MAP3K7CL: variants seen among roughly 807,000 people sequenced by gnomAD.
MAP3K7CL encodes MAP3K7 C-terminal-like protein.
Under a neutral mutation model 18.6 loss-of-function variants are expected in MAP3K7CL, and 16 were observed. The observed-to-expected ratio is 0.86, with a 90% confidence interval of 0.58 to 1.31. MAP3K7CL has a LOEUF of 1.31. Among genes scored for constraint, MAP3K7CL ranks in the 50% most tolerant of loss-of-function variants. MAP3K7CL has a pLI of 0.00. For synonymous variants in MAP3K7CL, 65 were observed against 66.8 expected (o/e 0.97, Z 0.13); for missense variants, 163 against 174.4 (o/e 0.93, Z 0.37).
chr21:29,175,607 G>C lies in MAP3K7CL; in HGVS notation c.*715G>C, dbSNP rs1023313005. On this transcript the variant is annotated 3_prime_UTR_variant, in exon 5 of 5. Transcript: ENST00000399928. ...ACAGTAAACATCTCTGCCTTTGCCTGTGTGTGTTCTGGGGGAGGGGGGACA... is the reference window on the plus strand; with the variant it reads ...ACAGTAAACATCTCTGCCTTTGCCTCTGTGTGTTCTGGGGGAGGGGGGACA... 6.6e-6 allele frequency: 1 copy of C among 152,302 alleles called. No individual in the cohort carries two copies. Among genetic ancestry groups the C allele is most frequent in the Non-Finnish European group, 1.5e-5 (1 of 68,106 alleles). 9.4% of individuals were successfully genotyped at this position (152,302 alleles called of 1,614,324 possible).
At chr21:29,087,841 C>T (rs1568927168) in intron 1 of MAP3K7CL, among the ~76,000 whole-genome samples, 1 of 152,032 alleles carries the variant, frequency 6.6e-6, no homozygotes, top group African/African-American at 2.4e-5. Flanking sequence ...GATCCGCCCA[C>T]CTCGGCCTCC....
chr21:29,115,343 T>C (rs1475522604), intron 4 of MAP3K7CL, among the ~76,000 whole-genome samples: 1 of 152,218 alleles, frequency 6.6e-6, no homozygotes, highest in African/African-American at 2.4e-5. Context: ...CTTGTTTGTG[T>C]TTTTCTCTAT....
At chr21:29,162,831 C>T (rs1199083927) in intron 4 of MAP3K7CL, among the ~76,000 whole-genome samples, 3 of 151,970 alleles carry the variant, frequency 2.0e-5, no homozygotes, top group South Asian at 2.1e-4. Flanking sequence ...AGGGGCCAGG[C>T]GCAGAGGCTC....
At chr21:29,104,366 A>G (rs2086284337) in intron 4 of MAP3K7CL, among the ~76,000 whole-genome samples, 1 of 151,846 alleles carries the variant, frequency 6.6e-6, no homozygotes, top group African/African-American at 2.4e-5. Flanking sequence ...GAAGAAAATC[A>G]CTTTCCCTAC....
intron 4 of MAP3K7CL, among the ~76,000 whole-genome samples, chr21:29,171,542 G>A (rs1188875364): frequency 6.6e-6 from 1 of 152,132 alleles, no homozygotes; most frequent in Non-Finnish European, 1.5e-5. Context: ...CCAACCGGGC[G>A]TGGTGGTTCA....
intron 4 of MAP3K7CL, among the ~76,000 whole-genome samples, chr21:29,119,583 C>T (rs1458669977): frequency 6.6e-6 from 1 of 151,736 alleles, no homozygotes; most frequent in African/African-American, 2.4e-5. Flanking sequence ...CAGGCTTTCT[C>T]TTTCCTGGTT....
At chr21:29,126,844 G>A (rs2832200), upstream of MAP3K7CL, among the ~76,000 whole-genome samples, 72,834 of 151,962 alleles carry the variant, frequency 0.48, 17,807 homozygotes, top group East Asian at 0.67. Context: ...TTATTTTGCC[G>A]TCATGGAATA....
chr21:29,132,178 C>T (rs879581367), intron 1 of MAP3K7CL, among the ~76,000 whole-genome samples: 31 of 152,038 alleles, frequency 2.0e-4, no homozygotes, highest in Non-Finnish European at 3.2e-4. Context: ...TTCCTAGTCC[C>T]CTATAGACAT....
chr21:29,094,157 G>C (rs1390369112), intron 4 of MAP3K7CL, among the ~76,000 whole-genome samples: 1 of 152,194 alleles, frequency 6.6e-6, no homozygotes, highest in African/African-American at 2.4e-5. Context: ...AGATATTTTG[G>C]GGTGTCACAA....
chr21:29,092,471 C>T, exon 4 of MAP3K7CL: 1 of 1,614,202 alleles, frequency 6.2e-7, no homozygotes, highest in Non-Finnish European at 8.5e-7. Flanking sequence ...ACAAGTTTGG[C>T]CATGTTGGAG....
intron 3 of MAP3K7CL, among the ~76,000 whole-genome samples, chr21:29,150,223 G>C (rs1363123627): frequency 1.3e-5 from 2 of 152,176 alleles, no homozygotes; most frequent in Non-Finnish European, 1.5e-5. Flanking sequence ...GGTGGAAGAA[G>C]AACCAAGAAT....
chr21:29,157,795 G>T (rs1282948579), intron 3 of MAP3K7CL, among the ~76,000 whole-genome samples: 1 of 152,162 alleles, frequency 6.6e-6, no homozygotes, highest in African/African-American at 2.4e-5. Context: ...GTAAGCTGGG[G>T]GTGAGGCAGG....
At chr21:29,106,280 G>A (rs908137365) in intron 4 of MAP3K7CL, among the ~76,000 whole-genome samples, 2 of 151,982 alleles carry the variant, frequency 1.3e-5, no homozygotes, top group African/African-American at 4.8e-5. Flanking sequence ...TCTGCCTCCC[G>A]GGTTCAAGCT....
At chr21:29,107,084 G>A (rs1300067381) in intron 4 of MAP3K7CL, among the ~76,000 whole-genome samples, 1 of 152,110 alleles carries the variant, frequency 6.6e-6, no homozygotes, top group Non-Finnish European at 1.5e-5. Flanking sequence ...TTGGGAGGCC[G>A]AGGCGGGTGG....
At chr21:29,174,132 A>G (rs989904696) in intron 4 of MAP3K7CL, among the ~76,000 whole-genome samples, 5 of 152,220 alleles carry the variant, frequency 3.3e-5, no homozygotes, top group African/African-American at 1.2e-4. Context: ...TTCTGGAGTC[A>G]CGTCAGCATC....
intron 4 of MAP3K7CL, among the ~76,000 whole-genome samples, chr21:29,098,128 T>C (rs1001885088): frequency 6.6e-6 from 1 of 152,204 alleles, no homozygotes; most frequent in African/African-American, 2.4e-5. Flanking sequence ...ACAATAACCA[T>C]CTAGGACATT....
intron 4 of MAP3K7CL, among the ~76,000 whole-genome samples, chr21:29,123,046 AGAAATGATCTTTTTT>A (rs2086622056): frequency 1.3e-5 from 1 of 78,850 alleles, no homozygotes; most frequent in African/African-American, 4.1e-5. Flanking sequence ...ATACTGGAGA[AGAAATGATCTTTTTT>A]TTTTTTTTTT....
In MAP3K7CL at chr21:29,174,702, G is replaced by A. The variant is rs186247591; in HGVS notation, c.249-10G>A. ...TGTGCTTCTTCCTGCCCTTTACCCC[G>A]AATCTTCAGGAAGGAGCTCATTGCC... On this transcript the variant is annotated splice_polypyrimidine_tract_variant and intron_variant, in intron 4 of 4. Transcript: ENST00000399928. 2.4e-5 allele frequency: 38 copies of A among 1,613,726 alleles called. No individual in the cohort carries two copies. The highest frequency in any genetic ancestry group is 3.0e-5 in the Non-Finnish European group (35 of 1,179,808).
upstream of MAP3K7CL, chr21:29,130,610 G>A: frequency 3.0e-6 from 3 of 985,460 alleles, no homozygotes; most frequent in Non-Finnish European, 3.6e-6. Flanking sequence ...ACAGGAGGAG[G>A]GTTTTCTTTT....
Sources: gnomAD v4.1 joint callset for allele counts (sites outside exome capture counted in the v4.1 genomes callset) on GRCh38, gnomAD v4.1.1 for gene constraint, MANE v1.5 for transcripts, NCBI Gene and HGNC (gene_info 2026-07-23, HGNC 2026-07-21) for gene names.